Variants in ARHGEF3 observed in about 807,000 individuals in gnomAD.
ARHGEF3 encodes the protein Rho guanine nucleotide exchange factor 3, also known as 59.8 kDA protein.
ARHGEF3 carries 28 observed loss-of-function variants against 63.2 expected under a neutral mutation model. That is an observed-to-expected ratio of 0.44 (90% CI 0.33 to 0.61). ARHGEF3 has a LOEUF of 0.61. Ranked by LOEUF, ARHGEF3 falls within the 20% of genes least tolerant of loss-of-function variation. The probability of loss-of-function intolerance (pLI) is 0.03; values close to 1 mark genes in which losing one functional copy is unlikely to be tolerated. For missense variants in ARHGEF3, 533 were observed against 659.3 expected (o/e 0.81, Z 2.10); for synonymous variants, 266 against 254.2 (o/e 1.05, Z -0.44).
chr3:56,830,930 C>T (rs980828247), intron 4 of ARHGEF3, among the ~76,000 whole-genome samples: 27 of 152,164 alleles, frequency 1.8e-4, no homozygotes, highest in Admixed American at 6.5e-5. Context: ...TCTCATCTCC[C>T]CTGCCACCAC....
At chr3:57,013,921 C>CT (rs1702822734) in intron 2 of ARHGEF3, among the ~76,000 whole-genome samples, 1 of 152,192 alleles carries the variant, frequency 6.6e-6, no homozygotes, top group East Asian at 1.9e-4. Context: ...GAGCCAGCAG[C>CT]GGCAACTCTT....
intron 1 of ARHGEF3, among the ~76,000 whole-genome samples, chr3:56,794,488 C>CAAAAAAA (rs10557985): frequency 3.6e-4 from 42 of 116,894 alleles, no homozygotes; most frequent in East Asian, 2.9e-3. Flanking sequence ...GACTCTATCT[C>CAAAAAAA]AAAAAAAAAA....
At chr3:56,951,206 C>T (rs1276460254) in intron 3 of ARHGEF3, among the ~76,000 whole-genome samples, 1 of 151,010 alleles carries the variant, frequency 6.6e-6, no homozygotes, top group Non-Finnish European at 1.5e-5. Context: ...TGCAGCACAC[C>T]AACATGGCAC....
Position 56,917,890 on chromosome 3 carries a change from G to A in ARHGEF3, c.130-35536C>T, listed in dbSNP as rs1460435721. On this transcript the variant is annotated intron_variant, in intron 3 of 12. Coordinates refer to the ARHGEF3 transcript ENST00000338458. ...GTGAAATCACTGTAAAAAGCCTTACGCCTTTCAGGCAAGCATCTGGGTCAC... is the reference window on the plus strand; with the variant it reads ...GTGAAATCACTGTAAAAAGCCTTACACCTTTCAGGCAAGCATCTGGGTCAC... Among the ~76,000 whole-genome samples the A allele has an allele frequency of 2.0e-5, 3 of 152,316 alleles. 1 individual carries two copies. Among genetic ancestry groups the A allele is most frequent in the Middle Eastern group, 3.4e-3 (1 of 294 alleles).
In ARHGEF3 at chr3:56,751,262, G is replaced by A. The variant is rs369193977; in HGVS notation, c.535+38C>T. On this transcript the variant is annotated intron_variant, in intron 5 of 9. Coordinates refer to ENST00000296315, the MANE Select transcript of ARHGEF3 (RefSeq NM_019555.3). ...CTCATTATAAGACAACTCAGTTAAG[G>A]CTACAAGTCACGACTCATCCTGGGA... The A allele has an allele frequency of 4.4e-6, 7 of 1,575,296 alleles. No homozygotes were observed. The African/African-American group carries it at 8.1e-5, about 18-fold the overall frequency.
chr3:56,784,257 C>A (rs1406454545), intron 1 of ARHGEF3, among the ~76,000 whole-genome samples: 2 of 152,212 alleles, frequency 1.3e-5, no homozygotes, highest in Non-Finnish European at 2.9e-5. Flanking sequence ...TATGGGAAGG[C>A]CAGCCATGGG....
chr3:56,788,907 A>G (rs780324971), intron 1 of ARHGEF3, among the ~76,000 whole-genome samples: 5 of 152,096 alleles, frequency 3.3e-5, no homozygotes, highest in Non-Finnish European at 7.4e-5. Context: ...ATAATGCCCA[A>G]TGCTAACTCT....
intron 2 of ARHGEF3, among the ~76,000 whole-genome samples, chr3:56,965,645 CTTTTTTTTTT>C (rs759458048): frequency 0.1 from 13,652 of 133,348 alleles, 875 homozygotes; most frequent in Non-Finnish European, 0.15. Flanking sequence ...AAACTACATT[CTTTTTTTTTT>C]TTTTTTTTTT....
At chr3:57,011,810 T>C (rs947853172) in intron 2 of ARHGEF3, among the ~76,000 whole-genome samples, 6 of 152,164 alleles carry the variant, frequency 3.9e-5, no homozygotes, top group African/African-American at 1.4e-4. Flanking sequence ...GACCTGGCTT[T>C]TGAAAGTATT....
chr3:56,767,097 G>A (rs1050967361), intron 2 of ARHGEF3, among the ~76,000 whole-genome samples: 2 of 151,042 alleles, frequency 1.3e-5, no homozygotes, highest in Non-Finnish European at 2.9e-5. Flanking sequence ...ACTGCTTGAG[G>A]CCAGGAGTTT....
intron 4 of ARHGEF3, among the ~76,000 whole-genome samples, chr3:56,853,109 C>G (rs2039734031): frequency 6.6e-6 from 1 of 152,172 alleles, no homozygotes; most frequent in Non-Finnish European, 1.5e-5. Context: ...AACTGTGTTT[C>G]TTATTTCTTT....
At chr3:56,821,029 G>A (rs947691447) in intron 4 of ARHGEF3, among the ~76,000 whole-genome samples, 3 of 151,922 alleles carry the variant, frequency 2.0e-5, no homozygotes, top group African/African-American at 2.4e-5. Flanking sequence ...AGGTTTAGTA[G>A]GTGCATGCCT....
At chr3:56,904,837 C>G (rs945679633) in intron 3 of ARHGEF3, among the ~76,000 whole-genome samples, 9 of 152,328 alleles carry the variant, frequency 5.9e-5, no homozygotes, top group Admixed American at 4.6e-4. Context: ...GTCATTCATA[C>G]CAATACAAGC....
At chr3:56,877,872 A>G (rs918387805) in intron 4 of ARHGEF3, among the ~76,000 whole-genome samples, 6 of 152,180 alleles carry the variant, frequency 3.9e-5, no homozygotes, top group African/African-American at 1.4e-4. Context: ...ATTGGTAGCT[A>G]CATGGGGTTT....
intron 1 of ARHGEF3, among the ~76,000 whole-genome samples, chr3:57,051,445 C>A (rs1488073866): frequency 2.6e-5 from 4 of 151,980 alleles, no homozygotes; most frequent in Non-Finnish European, 5.9e-5. Context: ...CAAGATTGCG[C>A]CACTGCATTC....
At position 56,774,928 on chromosome 3, in the gene ARHGEF3, A is replaced by ACAAC. The variant is rs34038168; in HGVS notation, c.97-1113_97-1112insGTTG. On this transcript the variant is annotated intron_variant, in intron 1 of 9. Transcript: ENST00000296315. ...AAACAAACAAACAACAACAACAACA[A>ACAAC]AAAAAAAACAGGCTATGGGGAAGAG... is the stretch of plus-strand genomic sequence containing the variant. 82 of 1,213,768 alleles carry ACAAC rather than the reference A, an allele frequency of 6.8e-5. 2 individuals are homozygous for ACAAC. The highest frequency in any genetic ancestry group is 4.5e-4 in the East Asian group (15 of 33,138). 75.2% of individuals were successfully genotyped at this position (1,213,768 alleles called of 1,614,324 possible). A position where few individuals can be genotyped will look rare whatever the true frequency, so the allele number is the denominator to read the frequency against.
chr3:56,856,847 C>T (rs912004490), intron 4 of ARHGEF3, among the ~76,000 whole-genome samples: 1 of 151,456 alleles, frequency 6.6e-6, no homozygotes, highest in Non-Finnish European at 1.5e-5. Context: ...CCAAGATGAA[C>T]CAACTTACTC....
chr3:56,751,677 A>G (rs2034755458), intron 4 of ARHGEF3, among the ~76,000 whole-genome samples: 1 of 152,258 alleles, frequency 6.6e-6, no homozygotes, highest in African/African-American at 2.4e-5. Context: ...TCCTAGGTAT[A>G]GAACAGATTT....
At chr3:56,839,626 C>T (rs1370143290) in intron 4 of ARHGEF3, among the ~76,000 whole-genome samples, 1 of 152,108 alleles carries the variant, frequency 6.6e-6, no homozygotes, top group Non-Finnish European at 1.5e-5. Context: ...AAATATAAAA[C>T]AACGAAACAA....
Sources: gnomAD v4.1 joint callset for allele counts (sites outside exome capture counted in the v4.1 genomes callset) on GRCh38, gnomAD v4.1.1 for gene constraint, MANE v1.5 for transcripts, NCBI Gene and HGNC (gene_info 2026-07-23, HGNC 2026-07-21) for gene names.